RAVER1: variants seen among roughly 807,000 people sequenced by gnomAD.
RAVER1 encodes the protein ribonucleoprotein PTB-binding 1.
A neutral mutation model predicts 68.4 loss-of-function variants in RAVER1; 36 were observed. The observed-to-expected ratio is 0.53, with a 90% CI of 0.40 to 0.70. The LOEUF (loss-of-function observed/expected upper bound fraction) is 0.70, where lower values mean the gene tolerates loss of function less well. Among genes scored for constraint, RAVER1 ranks in the 30% least tolerant of loss-of-function variants. The pLI, the probability that RAVER1 is intolerant of heterozygous loss-of-function variation, is 0.00. For synonymous variants in RAVER1, 469 were observed against 472.7 expected (o/e 0.99, Z 0.10); for missense variants, 933 against 1,019.8 (o/e 0.91, Z 1.16).
rs781670264 is a variant in RAVER1 at position 10,323,233 on chromosome 19, G to A, written c.990C>T (p.Ile330=). 6.2e-7 allele frequency: 1 copy of A among 1,613,510 alleles called. No homozygotes were observed. Among genetic ancestry groups the A allele is most frequent in the Non-Finnish European group, 8.5e-7 (1 of 1,179,654 alleles). The change falls in exon 5 of 13, where the codon ATC becomes ATT. Residue 330 remains isoleucine (I), a synonymous_variant. Transcript: ENST00000617231. The surrounding 1 kb of genome is among the most constrained non-coding windows in gnomAD (Gnocchi z 6.2). ...RGKGLLPEPN[I]LQLLNNLGPS... ...GGCCCAGGTTGTTGAGCAGCTGCAG[G>A]ATGTTGGGCTCGGGGAGGAGTCCCT...
At chr19:10,326,549 A>G (rs1220658539) in intron 3 of RAVER1, among the ~76,000 whole-genome samples, 1 of 151,904 alleles carries the variant, frequency 6.6e-6, no homozygotes, top group Non-Finnish European at 1.5e-5. Context: ...GGTTCAAGCA[A>G]TTCTCCTGTC....
intron 3 of RAVER1, among the ~76,000 whole-genome samples, chr19:10,324,617 G>A (rs1342707752): frequency 1.3e-5 from 2 of 152,094 alleles, no homozygotes; most frequent in African/African-American, 2.4e-5. Flanking sequence ...GACCTCAAGC[G>A]ATCCGCCTGC....
intron 2 of RAVER1, among the ~76,000 whole-genome samples, chr19:10,330,242 G>A (rs2040504094): frequency 6.6e-6 from 1 of 152,210 alleles, no homozygotes; most frequent in Non-Finnish European, 1.5e-5. Flanking sequence ...CCAAGCGAGT[G>A]GAGTAGGAAG....
rs1370801494 is a variant in RAVER1, at chr19:10,323,085, C to A, written c.1078+60G>T. On this transcript the variant is annotated intron_variant, in intron 5 of 12. Transcript: ENST00000617231. The surrounding 1 kb of genome is among the most constrained non-coding windows in gnomAD (Gnocchi z 6.2). ...CAAGATGAGCAGTTTCGGGAAGTGC[C>A]GGGGGCAGCGCTGCAGCCCCTGTTC... 1 of 1,401,334 alleles carries A rather than the reference C, an allele frequency of 7.1e-7. No homozygotes were observed. Among genetic ancestry groups the A allele is most frequent in the Admixed American group, 2.7e-5 (1 of 36,698 alleles). 86.8% of individuals were successfully genotyped at this position (1,401,334 alleles called of 1,614,324 possible).
chr19:10,321,990 G>A (rs746612864), intron 6 of RAVER1: 5 of 175,718 alleles, frequency 2.8e-5, no homozygotes, highest in Non-Finnish European at 6.0e-5. Flanking sequence ...TTAGAATCCA[G>A]GGAACCACAC....
At chr19:10,324,406 CAG>C in intron 3 of RAVER1, among the ~76,000 whole-genome samples, 1 of 152,112 alleles carries the variant, frequency 6.6e-6, no homozygotes, top group East Asian at 1.9e-4. Flanking sequence ...TTTTTTGAGA[CAG>C]AGTCTTGCTC....
chr19:10,327,161 C>T lies in RAVER1; in HGVS notation c.756+1481G>A, dbSNP rs143155229. Among the ~76,000 whole-genome samples the T allele has an allele frequency of 4.3e-4, 65 of 152,224 alleles. 1 individual carries two copies. The East Asian group carries it at 8.7e-3, about 20-fold the overall frequency. On this transcript the variant is annotated intron_variant, in intron 3 of 12. Transcript: ENST00000617231. Reference sequence around the variant, plus strand: ...TCTCGAGTGATCCTCCTGCCTCTGCCTCCCAACAGACACCTAGTTTAAATG... The same window carrying T: ...TCTCGAGTGATCCTCCTGCCTCTGCTTCCCAACAGACACCTAGTTTAAATG...
rs1370801494 is a variant in RAVER1, at chr19:10,323,085, C to T, written c.1078+60G>A. 6 of 1,401,332 alleles carry T rather than the reference C, an allele frequency of 4.3e-6. No individual in the cohort carries two copies. Among genetic ancestry groups the T allele is most frequent in the Admixed American group, 2.7e-5 (1 of 36,698 alleles). The allele number at this position is 1,401,332 out of a possible 1,614,324, so 86.8% of individuals were successfully genotyped here. A position where few individuals can be genotyped will look rare whatever the true frequency, so the allele number is the denominator to read the frequency against. ...CAAGATGAGCAGTTTCGGGAAGTGC[C>T]GGGGGCAGCGCTGCAGCCCCTGTTC... On this transcript the variant is annotated intron_variant, in intron 5 of 12. Coordinates refer to ENST00000617231, the MANE Select transcript of RAVER1 (RefSeq NM_133452.3). The surrounding 1 kb of genome is among the most constrained non-coding windows in gnomAD (Gnocchi z 6.2).
chr19:10,316,744 AG>A lies in RAVER1; in HGVS notation c.*709del, dbSNP rs1162423126. ...GCCAGAGCTGTTTGGTCCATAGTCAAGCTCCCAGAGCTTGGCATCTGTGGCT... is the reference window on the plus strand; with the variant it reads ...GCCAGAGCTGTTTGGTCCATAGTCAACTCCCAGAGCTTGGCATCTGTGGCT... On this transcript the variant is annotated 3_prime_UTR_variant, in exon 13 of 13. Transcript: ENST00000617231. 5.6e-6 allele frequency: 1 copy of A among 177,732 alleles called. No homozygotes were observed. The highest frequency in any genetic ancestry group is 1.1e-5 in the Non-Finnish European group (1 of 91,000). The allele number at this position is 177,732 out of a possible 1,614,324, so 11.0% of individuals were successfully genotyped here. A position where few individuals can be genotyped will look rare whatever the true frequency, so the allele number is the denominator to read the frequency against.
In RAVER1 at chr19:10,316,449, T is replaced by C. The variant is rs2040388407; in HGVS notation, c.*1005A>G. The C allele has an allele frequency of 1.0e-6, 1 of 999,496 alleles. No homozygotes were observed. Among genetic ancestry groups the C allele is most frequent in the East Asian group, 1.1e-4 (1 of 9,022 alleles). The allele number at this position is 999,496 out of a possible 1,614,324, so 61.9% of individuals were successfully genotyped here. On this transcript the variant is annotated 3_prime_UTR_variant, in exon 13 of 13. Coordinates refer to ENST00000617231, the MANE Select transcript of RAVER1 (RefSeq NM_133452.3). ...GGAGTGCTGGTTTCTGGCACTGGGC[T>C]GGAAGGAGGCCAGCTCCAGGGATCT...
rs1314331618 is a variant in RAVER1 at position 10,320,724 on chromosome 19, G to C, written c.1701C>G (p.Ser567Arg). The change falls in exon 9 of 13, where the codon AGC (serine) becomes AGG (arginine). Residue 567 changes from serine to arginine, a missense_variant. Ser to Arg is a moderately radical substitution (Grantham distance 110). Transcript: ENST00000617231. ...KAFQLKSRLL[S>R]PLSSARLPPE... ...GGGGCAGGCGGGCGCTGCTGAGGGG[G>C]CTGAGCAGGCGGGACTTGAGCTGGA... 1 of 1,541,932 alleles carries C rather than the reference G, an allele frequency of 6.5e-7. No homozygotes were observed. The highest frequency in any genetic ancestry group is 1.4e-5 in the African/African-American group (1 of 70,672).
rs1568311442 is a variant in RAVER1 at position 10,322,915 on chromosome 19, G to A, written c.1079-176C>T. On this transcript the variant is annotated intron_variant, in intron 5 of 12. Coordinates refer to ENST00000617231, the MANE Select transcript of RAVER1 (RefSeq NM_133452.3). This position sits in a 1 kb window ranked among gnomAD's most constrained non-coding sequence, Gnocchi z 4.3. ...AAGGGGCAGAGGCTACTCCAGTGAA[G>A]GTCAGCCCCCTCTTGTCAGCACCCC... Among the ~76,000 whole-genome samples the A allele has an allele frequency of 2.0e-5, 3 of 152,210 alleles. No homozygotes were observed. Among genetic ancestry groups the A allele is most frequent in the East Asian group, 3.9e-4 (2 of 5,180 alleles).
rs769317559 is a variant in RAVER1 at position 10,329,173 on chromosome 19, G to A, written c.287-62C>T. ...CCCTGAGGGCCTGCCCCTCCACCCC[G>A]CCACCCTGCAAACCAGGTGGGACCT... On this transcript the variant is annotated intron_variant, in intron 2 of 12. Transcript: ENST00000617231. This position sits in a 1 kb window ranked among gnomAD's most constrained non-coding sequence, Gnocchi z 4.6. The A allele has an allele frequency of 6.0e-5, 63 of 1,052,216 alleles. No individual in the cohort carries two copies. Among genetic ancestry groups the A allele is most frequent in the Admixed American group, 3.0e-5 (1 of 33,460 alleles). The allele number at this position is 1,052,216 out of a possible 1,614,324, so 65.2% of individuals were successfully genotyped here. A position where few individuals can be genotyped will look rare whatever the true frequency, so the allele number is the denominator to read the frequency against.
In RAVER1 at chr19:10,320,202, G is replaced by A. The variant is rs186158498; in HGVS notation, c.1770+453C>T. Among the ~76,000 whole-genome samples, 127 of 152,100 alleles carry A rather than the reference G, an allele frequency of 8.3e-4. 1 individual carries two copies. Among genetic ancestry groups the A allele is most frequent in the African/African-American group, 2.6e-3 (107 of 41,510 alleles). On this transcript the variant is annotated intron_variant, in intron 9 of 12. Transcript: ENST00000617231. ...AGCAGGGGGTGATGTGCAGACAGAC[G>A]GGAAACTTTAAGGGCATGAGGCTGG...
intron 1 of RAVER1, 25 bp from the exon 2 acceptor site, chr19:10,330,551 A>C (rs2040507514): frequency 8.1e-7 from 1 of 1,232,396 alleles, no homozygotes; most frequent in East Asian, 2.5e-5. Flanking sequence ...GACAAAAGAC[A>C]GGGAGTTACT....
intron 1 of RAVER1, among the ~76,000 whole-genome samples, chr19:10,331,585 C>T (rs1053005113): frequency 1.4e-5 from 2 of 143,800 alleles, no homozygotes; most frequent in Non-Finnish European, 1.5e-5. Context: ...ACTCGGGAGA[C>T]TGAGGCAAGA....
In RAVER1 at chr19:10,329,228, G is replaced by T; in HGVS notation, c.287-117C>A. ...ATGCTGGGCATCTCAGGTGCCTGCT[G>T]ATCTGAGCAGTTGCCAGCCTTGGCG... On this transcript the variant is annotated intron_variant, in intron 2 of 12. Transcript: ENST00000617231. This position sits in a 1 kb window ranked among gnomAD's most constrained non-coding sequence, Gnocchi z 4.6. 1 of 670,948 alleles carries T rather than the reference G, an allele frequency of 1.5e-6. No individual in the cohort carries two copies. The highest frequency in any genetic ancestry group is 2.5e-6 in the Non-Finnish European group (1 of 400,056). The allele number at this position is 670,948 out of a possible 1,614,324, so 41.6% of individuals were successfully genotyped here.
rs530121767 is a variant in RAVER1 at position 10,333,127 on chromosome 19, C to T, written c.219+162G>A. 6.6e-6 allele frequency among the ~76,000 whole-genome samples: 1 copy of T among 152,190 alleles called. No homozygotes were observed. The highest frequency in any genetic ancestry group is 2.4e-5 in the African/African-American group (1 of 41,444). ...CGGTTTCCCCTTTCATCATCGCCCC[C>T]CCACGTCCCGCTCTTGGTCTCTCCC... On this transcript the variant is annotated intron_variant, in intron 1 of 12. Transcript: ENST00000617231. This position sits in a 1 kb window ranked among gnomAD's most constrained non-coding sequence, Gnocchi z 4.2.
At chr19:10,327,298 C>G (rs1360701543) in intron 3 of RAVER1, among the ~76,000 whole-genome samples, 1 of 152,046 alleles carries the variant, frequency 6.6e-6, no homozygotes, top group African/African-American at 2.4e-5. Flanking sequence ...CTCTGTTGCT[C>G]AGGCTGTAGT....
Sources: allele counts gnomAD v4.1 joint callset (sites outside exome capture counted in the v4.1 genomes callset), GRCh38; gene constraint gnomAD v4.1.1; non-coding constraint Gnocchi (gnomAD v3.1); transcripts MANE v1.5; gene names NCBI Gene and HGNC (gene_info 2026-07-23, HGNC 2026-07-21).